The following CAMK2A variants were observed in gnomAD, a reference collection of about 807,000 sequenced individuals.
The protein encoded by CAMK2A is calcium/calmodulin-dependent protein kinase type II subunit alpha.
CAMK2A carries 7 observed loss-of-function variants against 79.2 expected under a neutral mutation model. That is an observed-to-expected ratio of 0.09 (90% CI 0.05 to 0.17). CAMK2A has a LOEUF of 0.17. Ranked by LOEUF, CAMK2A falls within the 10% of genes least tolerant of loss-of-function variation. The probability of loss-of-function intolerance (pLI) is 1.00; values close to 1 mark genes in which losing one functional copy is unlikely to be tolerated. For missense variants in CAMK2A, 214 were observed against 646.4 expected (o/e 0.33, Z 7.25); for synonymous variants, 242 against 251.7 (o/e 0.96, Z 0.36).
intron 2 of CAMK2A, among the ~76,000 whole-genome samples, chr5:150,271,106 C>T (rs535488036): frequency 1.3e-5 from 2 of 152,326 alleles, no homozygotes; most frequent in East Asian, 3.9e-4. Flanking sequence ...TACTCAACAC[C>T]CAATGCACAG....
intron 3 of CAMK2A, among the ~76,000 whole-genome samples, chr5:150,259,064 C>G (rs1756184863): frequency 6.6e-6 from 1 of 151,980 alleles, no homozygotes; most frequent in African/African-American, 2.4e-5. Context: ...CTTATAATCC[C>G]AGCTACTCCA....
chr5:150,229,494 CTG>C (rs1754750317), intron 16 of CAMK2A, among the ~76,000 whole-genome samples: 1 of 152,176 alleles, frequency 6.6e-6, no homozygotes, highest in South Asian at 2.1e-4. Flanking sequence ...TATGGGGAAA[CTG>C]AGGCTCAGAG....
chr5:150,289,308 C>T (rs1048337601), intron 1 of CAMK2A, among the ~76,000 whole-genome samples: 4 of 152,158 alleles, frequency 2.6e-5, no homozygotes, highest in Non-Finnish European at 4.4e-5. Context: ...TATGTGTGTG[C>T]ACTGGCATAC....
chr5:150,239,658 T>C (rs1755251522), intron 14 of CAMK2A, 46 bp downstream of exon 14: 6 of 1,598,368 alleles, frequency 3.8e-6, no homozygotes, highest in Non-Finnish European at 5.1e-6. Flanking sequence ...GGAGCAAGGG[T>C]TCGAGGCCCA....
intron 2 of CAMK2A, 32 bp downstream of exon 2, chr5:150,273,033 G>A (rs761621927): frequency 2.1e-5 from 32 of 1,540,482 alleles, no homozygotes. Context: ...GAGAGCCCTG[G>A]AGGGTGGGCA....
chr5:150,229,834 C>T (rs760621250), intron 16 of CAMK2A, among the ~76,000 whole-genome samples: 1 of 152,238 alleles, frequency 6.6e-6, no homozygotes, highest in Non-Finnish European at 1.5e-5. Context: ...GCACACGCAC[C>T]TGCGCACCCT....
intron 16 of CAMK2A, among the ~76,000 whole-genome samples, chr5:150,229,796 C>G (rs1344117753): frequency 2.6e-5 from 4 of 152,248 alleles, no homozygotes; most frequent in Non-Finnish European, 4.4e-5. Flanking sequence ...TATTTCCATG[C>G]TTTTATGCAA....
chr5:150,243,098 C>T (rs1755421243), intron 13 of CAMK2A, among the ~76,000 whole-genome samples: 1 of 152,238 alleles, frequency 6.6e-6, no homozygotes, highest in African/African-American at 2.4e-5. Context: ...CATCTGGCAG[C>T]TTCTGCCTCC....
Position 150,284,741 on chromosome 5 carries a change from C to T in CAMK2A, c.62+4823G>A, listed in dbSNP as rs2150311895. 6.6e-6 allele frequency among the ~76,000 whole-genome samples: 1 copy of T among 152,310 alleles called. No individual in the cohort carries two copies. The highest frequency in any genetic ancestry group is 2.4e-5 in the African/African-American group (1 of 41,572). ...CCCTGCACGTCATCTAGTCCCCTAG[C>T]CTGGGCCCTCTCTCTCCTGTGGCCT... is the stretch of plus-strand genomic sequence containing the variant. On this transcript the variant is annotated intron_variant, in intron 1 of 18. Transcript: ENST00000671881. The surrounding 1 kb of genome is among the most constrained non-coding windows in gnomAD (Gnocchi z 5.3).
At chr5:150,249,575 GTCTC>G (rs1755737075) in intron 11 of CAMK2A, among the ~76,000 whole-genome samples, 2 of 149,880 alleles carry the variant, frequency 1.3e-5, no homozygotes, top group African/African-American at 4.9e-5. Flanking sequence ...TTGAGACAGA[GTCTC>G]TCTCTGTTAC....
chr5:150,284,148 GCAGAGTGAGACCAGAGAGACAGAGA>G lies in CAMK2A; in HGVS notation c.62+5391_62+5415del, dbSNP rs560981076. Among the ~76,000 whole-genome samples the G allele has an allele frequency of 2.9e-3, 448 of 152,308 alleles. 5 individuals carry two copies. The highest frequency in any genetic ancestry group is 0.028 in the South Asian group (137 of 4,816). ...GCAGCAAAGAGGGACAGAGACAGAG[GCAGAGTGAGACCAGAGAGACAGAGA>G]CAGAGTGAGACCAGAGAGATGGAGA... On this transcript the variant is annotated intron_variant, in intron 1 of 18. Coordinates refer to ENST00000671881, the MANE Select transcript of CAMK2A (RefSeq NM_015981.4). The surrounding 1 kb of genome is among the most constrained non-coding windows in gnomAD (Gnocchi z 5.3).
chr5:150,258,455 G>A (rs551130012), intron 3 of CAMK2A, among the ~76,000 whole-genome samples: 21 of 152,360 alleles, frequency 1.4e-4, no homozygotes, highest in Admixed American at 1.3e-4. Context: ...AAATGGCACA[G>A]CTGCTAAAAT....
At chr5:150,228,838 G>C (rs1415262252) in intron 16 of CAMK2A, among the ~76,000 whole-genome samples, 1 of 152,234 alleles carries the variant, frequency 6.6e-6, no homozygotes, top group African/African-American at 2.4e-5. Flanking sequence ...TTGGCTGTGA[G>C]CCTCAGTTTC....
At chr5:150,262,642 C>T (rs1181761754) in intron 3 of CAMK2A, among the ~76,000 whole-genome samples, 1 of 152,152 alleles carries the variant, frequency 6.6e-6, no homozygotes, top group African/African-American at 2.4e-5. Context: ...GAGTAAATGA[C>T]TCAATGATGA....
intron 3 of CAMK2A, among the ~76,000 whole-genome samples, 186 bp from the exon 4 acceptor site, chr5:150,257,803 C>G (rs1756125803): frequency 6.6e-6 from 1 of 152,174 alleles, no homozygotes; most frequent in Non-Finnish European, 1.5e-5. Context: ...TCCGAATAGA[C>G]CTCAGGCATT....
At chr5:150,283,611 T>G (rs1336703094) in intron 1 of CAMK2A, among the ~76,000 whole-genome samples, 1 of 152,194 alleles carries the variant, frequency 6.6e-6, no homozygotes, top group Non-Finnish European at 1.5e-5. Context: ...CCCTGATACC[T>G]TCCTCACCCC....
chr5:150,245,333 G>A (rs1755518037), intron 12 of CAMK2A, 132 bp from the exon 13 acceptor site: 3 of 689,752 alleles, frequency 4.3e-6, no homozygotes, highest in South Asian at 2.0e-5. Context: ...GCGATCCTGG[G>A]GGAGGCCTCC....
At chr5:150,261,954 C>G (rs1279834872) in intron 3 of CAMK2A, among the ~76,000 whole-genome samples, 2 of 152,222 alleles carry the variant, frequency 1.3e-5, no homozygotes, top group Non-Finnish European at 2.9e-5. Flanking sequence ...TACTTCCCTT[C>G]CCCACCACAA....
intron 13 of CAMK2A, among the ~76,000 whole-genome samples, chr5:150,243,089 A>T (rs1755420919): frequency 6.6e-6 from 1 of 152,208 alleles, no homozygotes; most frequent in East Asian, 1.9e-4. Context: ...TGTCCTTGCC[A>T]TCTGGCAGCT....
Sources: gnomAD v4.1 joint callset for allele counts (sites outside exome capture counted in the v4.1 genomes callset) on GRCh38, gnomAD v4.1.1 for gene constraint, Gnocchi (gnomAD v3.1) non-coding constraint, MANE v1.5 for transcripts, NCBI Gene and HGNC (gene_info 2026-07-23, HGNC 2026-07-21) for gene names.